The following GGT1 variants were observed in gnomAD, a reference collection of about 807,000 sequenced individuals.
The protein encoded by GGT1 is glutathione hydrolase 1 proenzyme.
A neutral mutation model predicts 56.0 loss-of-function variants in GGT1; 21 were observed. The ratio of observed to expected loss-of-function variants is 0.38; its 90% CI spans 0.27 to 0.54. The LOEUF (loss-of-function observed/expected upper bound fraction) is 0.54, where lower values mean the gene tolerates loss of function less well. Among genes scored for constraint, GGT1 ranks in the 20% least tolerant of loss-of-function variants. The pLI is 0.82. For missense variants in GGT1, 466 were observed against 787.0 expected (o/e 0.59, Z 4.88); for synonymous variants, 238 against 342.6 (o/e 0.69, Z 3.37).
Position 24,620,290 on chromosome 22 carries a change from C to T in GGT1, c.383-38C>T. 1 of 1,605,798 alleles carries T rather than the reference C, an allele frequency of 6.2e-7. No homozygotes were observed. Among genetic ancestry groups the T allele is most frequent in the Non-Finnish European group, 8.5e-7 (1 of 1,177,644 alleles). On this transcript the variant is annotated intron_variant, in intron 7 of 15. Coordinates refer to ENST00000400382, the MANE Select transcript of GGT1 (RefSeq NM_001288833.2). This position sits in a 1 kb window ranked among gnomAD's most constrained non-coding sequence, Gnocchi z 5.6. The stretch of plus-strand genomic sequence containing the variant: ...CTGCCTGCGAGAGATCCCGATGTCC[C>T]CCACTCAGGGTCACTAACTATGGCT...
intron 7 of GGT1, among the ~76,000 whole-genome samples, chr22:24,617,101 C>T (rs748367439): frequency 3.9e-5 from 6 of 152,098 alleles, no homozygotes; most frequent in African/African-American, 1.4e-4. Flanking sequence ...AGGTGTGTTA[C>T]GGGCTGTAGA....
rs182482036 is a variant in GGT1 at position 24,605,822 on chromosome 22, T to A, written c.-428-2132T>A. Reference sequence around the variant, plus strand: ...TATGATGTGTATTATATATTATATATTATATGATGTGTATTATATATTATA... The same window carrying A: ...TATGATGTGTATTATATATTATATAATATATGATGTGTATTATATATTATA... On this transcript the variant is annotated intron_variant, in intron 1 of 15. Coordinates refer to ENST00000400382, the MANE Select transcript of GGT1 (RefSeq NM_001288833.2). Among the ~76,000 whole-genome samples the A allele has an allele frequency of 3.4e-3, 227 of 66,744 alleles. 62 individuals carry two copies. The highest frequency in any genetic ancestry group is 0.015 in the African/African-American group (176 of 11,712). The allele number at this position is 66,744 out of a possible 152,430, so 43.8% of individuals were successfully genotyped here. A position where few individuals can be genotyped will look rare whatever the true frequency, so the allele number is the denominator to read the frequency against.
intron 1 of GGT1, among the ~76,000 whole-genome samples, chr22:24,605,104 A>ATATAATATATAATATG (rs2045976224): frequency 5.5e-5 from 2 of 36,164 alleles, no homozygotes; most frequent in South Asian, 1.7e-3. Flanking sequence ...AATATGTATT[A>ATATAATATATAATATG]TATTATATAT....
chr22:24,588,597 T>G, the GGT1 span: 18 of 930,950 alleles, frequency 1.9e-5, no homozygotes, highest in East Asian at 4.2e-5. Context: ...TGAGCCCTTG[T>G]TCCCTGTCCT....
At chr22:24,586,455 G>C in the GGT1 span, 1 of 1,569,760 alleles carries the variant, frequency 6.4e-7, no homozygotes. Flanking sequence ...CAACCAGGCA[G>C]TCCCCCCACT....
At position 24,618,062 on chromosome 22, in the gene GGT1, G is replaced by A. The variant is rs139556760; in HGVS notation, c.383-2266G>A. Among the ~76,000 whole-genome samples the A allele has an allele frequency of 8.3e-3, 1,265 of 152,234 alleles. 22 individuals are homozygous for A. Among genetic ancestry groups the A allele is most frequent in the African/African-American group, 0.03 (1,227 of 41,514 alleles). ...GAGTCTGATTGGCCTGAGGTCAGGA[G>A]AAGATTTTTTTTCTGATATTGATAC... On this transcript the variant is annotated intron_variant, in intron 7 of 15. Coordinates refer to ENST00000400382, the MANE Select transcript of GGT1 (RefSeq NM_001288833.2).
the GGT1 span, chr22:24,589,569 A>G: frequency 2.1e-6 from 1 of 485,358 alleles, no homozygotes; most frequent in East Asian, 4.6e-5. Context: ...CCTGGTGCAC[A>G]GTGCTGCCAC....
chr22:24,601,471 G>A (rs1184511177), upstream of GGT1, among the ~76,000 whole-genome samples: 7 of 152,208 alleles, frequency 4.6e-5, no homozygotes, highest in Non-Finnish European at 8.8e-5. Flanking sequence ...GAGTGGCTTT[G>A]GGCAGGTCCC....
chr22:24,628,140 C>T lies in GGT1; in HGVS notation c.1396C>T (p.Arg466Trp), dbSNP rs774876985. The part of the protein sequence containing the change: ...TIMVGQDGQV[R>W]MVVGAAGGTQ... ...CATGGTGGGCCAGGACGGCCAGGTC[C>T]GGATGGTGGTGGGAGCTGCTGGGGG... Residue 466 changes from arginine to tryptophan, a missense_variant, in exon 14 of 16, where the codon CGG becomes TGG. By Grantham distance (101) the Arg-to-Trp change is moderately radical. Around this residue, in one of 2 missense-constraint regions of GGT1, gnomAD observed 456 missense variants for 716.7 expected, o/e 0.64. Coordinates refer to ENST00000400382, the MANE Select transcript of GGT1 (RefSeq NM_001288833.2). The surrounding 1 kb of genome is among the most constrained non-coding windows in gnomAD (Gnocchi z 5.7). The T allele has an allele frequency of 9.9e-6, 16 of 1,611,856 alleles. No homozygotes were observed. Among genetic ancestry groups the T allele is most frequent in the Admixed American group, 5.0e-5 (3 of 59,990 alleles).
Position 24,623,143 on chromosome 22 carries a change from G to T in GGT1, c.770G>T (p.Arg257Leu). The stretch of plus-strand genomic sequence containing the variant: ...ACAGCTGAGGACCTGAACAACTACC[G>T]TGCTGAGCTGATCGAGCACCCGCTG... The part of the protein sequence containing the change: ...IVTAEDLNNY[R>L]AELIEHPLNI... Residue 257 changes from arginine (R) to leucine (L), a missense_variant, in exon 10 of 16, where the codon CGT becomes CTT. Arg to Leu is a moderately radical substitution (Grantham distance 102). This residue lies in a region of GGT1 where 456 missense variants were observed against 716.7 expected (regional missense o/e 0.64). Coordinates refer to ENST00000400382, the MANE Select transcript of GGT1 (RefSeq NM_001288833.2). 1 of 1,610,710 alleles carries T rather than the reference G, an allele frequency of 6.2e-7. No individual in the cohort carries two copies. Among genetic ancestry groups the T allele is most frequent in the South Asian group, 1.1e-5 (1 of 90,752 alleles).
the GGT1 span, chr22:24,589,676 C>G: frequency 2.2e-6 from 2 of 909,162 alleles, no homozygotes; most frequent in Non-Finnish European, 1.6e-6. Context: ...ATGCTGGCAG[C>G]AGGTCTCAGA....
chr22:24,622,035 A>T (rs2047446395), intron 9 of GGT1, among the ~76,000 whole-genome samples: 2 of 144,002 alleles, frequency 1.4e-5, no homozygotes, highest in South Asian at 4.4e-4. Flanking sequence ...GTGAGATTCC[A>T]TCTCAAAAAA....
rs62231209 is a variant in GGT1 at position 24,605,037 on chromosome 22, A to T, written c.-429+1510A>T. 5.1e-3 allele frequency among the ~76,000 whole-genome samples: 255 copies of T among 50,006 alleles called. 68 individuals are homozygous for T. In the East Asian group the frequency reaches 0.088, roughly 17 times the overall value. 32.8% of individuals were successfully genotyped at this position (50,006 alleles called of 152,430 possible). A position where few individuals can be genotyped will look rare whatever the true frequency, so the allele number is the denominator to read the frequency against. The stretch of plus-strand genomic sequence containing the variant: ...ATCCTGTATGTCATATATATATATA[A>T]AATATGTAATATATTATATATTATA... On this transcript the variant is annotated intron_variant, in intron 1 of 15. Transcript: ENST00000400382.
At chr22:24,601,437 G>T (rs2045780893), upstream of GGT1, among the ~76,000 whole-genome samples, 1 of 152,192 alleles carries the variant, frequency 6.6e-6, no homozygotes, top group South Asian at 2.1e-4. Flanking sequence ...CAGCCTTCCT[G>T]GTGTCATGGG....
Position 24,610,414 on chromosome 22 carries a change from G to A in GGT1, c.-125G>A, listed in dbSNP as rs1247970825. ...CCTGAAGAAGATTCTGTGGCTACAGGCTTCAGCAGAGTGTGAGGGAGACCC... is the reference window on the plus strand; with the variant it reads ...CCTGAAGAAGATTCTGTGGCTACAGACTTCAGCAGAGTGTGAGGGAGACCC... On this transcript the variant is annotated 5_prime_UTR_variant, in exon 4 of 16. Coordinates refer to ENST00000400382, the MANE Select transcript of GGT1 (RefSeq NM_001288833.2). 5.2e-6 allele frequency: 1 copy of A among 191,662 alleles called. No homozygotes were observed. The highest frequency in any genetic ancestry group is 2.4e-5 in the African/African-American group (1 of 42,164). The allele number at this position is 191,662 out of a possible 1,614,324, so 11.9% of individuals were successfully genotyped here.
At chr22:24,587,250 G>C in the GGT1 span, among the ~76,000 whole-genome samples, 1 of 152,204 alleles carries the variant, frequency 6.6e-6, no homozygotes, top group African/African-American at 2.4e-5. Context: ...TGAAAGGGGA[G>C]GTCCTGGGTG....
chr22:24,605,240 T>TATATTATATAATATGTATTAC (rs2046036626), intron 1 of GGT1, among the ~76,000 whole-genome samples: 5 of 58,524 alleles, frequency 8.5e-5, no homozygotes, highest in Non-Finnish European at 1.3e-4. Context: ...TATTATATTA[T>TATATTATATAATATGTATTAC]ATATTATATA....
intron 7 of GGT1, among the ~76,000 whole-genome samples, chr22:24,617,848 A>G (rs2047168147): frequency 6.6e-6 from 1 of 151,922 alleles, no homozygotes; most frequent in Non-Finnish European, 1.5e-5. Flanking sequence ...GCAGACCACC[A>G]GGAGAGAGAG....
intron 5 of GGT1, among the ~76,000 whole-genome samples, chr22:24,613,598 A>G (rs906526980): frequency 6.6e-6 from 1 of 151,582 alleles, no homozygotes; most frequent in Non-Finnish European, 1.5e-5. Context: ...AAAATATAAA[A>G]AGTTAGCCGG....
Sources: gnomAD v4.1 joint callset for allele counts (sites outside exome capture counted in the v4.1 genomes callset) on GRCh38, gnomAD v4.1.1 for gene constraint, gnomAD v4.1.1 regional missense constraint, Gnocchi (gnomAD v3.1) non-coding constraint, MANE v1.5 for transcripts, NCBI Gene and HGNC (gene_info 2026-07-23, HGNC 2026-07-21) for gene names.